The following DLGAP2 variants were observed in gnomAD, a reference collection of about 807,000 sequenced individuals.
DLGAP2 encodes the protein DLG associated protein 2.
DLGAP2 carries 26 observed loss-of-function variants against 100.3 expected under a neutral mutation model. The ratio of observed to expected loss-of-function variants is 0.26; its 90% CI spans 0.19 to 0.36. DLGAP2 has a LOEUF of 0.36. Ranked by LOEUF, DLGAP2 falls within the 10% of genes least tolerant of loss-of-function variation. DLGAP2 has a pLI of 1.00. For missense variants in DLGAP2, 1,858 were observed against 1,453.2 expected (o/e 1.28, Z -4.53); for synonymous variants, 886 against 630.1 (o/e 1.41, Z -6.08).
intron 3 of DLGAP2, among the ~76,000 whole-genome samples, chr8:1,473,861 C>A (rs950741213): frequency 2.0e-5 from 3 of 152,170 alleles, no homozygotes; most frequent in African/African-American, 7.2e-5. Context: ...GTAAGACCTG[C>A]CTTTCACCTT....
chr8:1,356,909 A>C (rs1010155589), intron 3 of DLGAP2, among the ~76,000 whole-genome samples: 1 of 152,234 alleles, frequency 6.6e-6, no homozygotes, highest in Non-Finnish European at 1.5e-5. Context: ...TTGTGTCTAC[A>C]GTGCCCGTGT....
At chr8:1,577,516 C>T (rs1803034048) in intron 6 of DLGAP2, among the ~76,000 whole-genome samples, 1 of 141,696 alleles carries the variant, frequency 7.1e-6, no homozygotes, top group South Asian at 2.2e-4. Flanking sequence ...TGCAGTGAGC[C>T]AAGATCGTGC....
At chr8:984,100 C>T (rs998374684) in intron 2 of DLGAP2, among the ~76,000 whole-genome samples, 5 of 152,132 alleles carry the variant, frequency 3.3e-5, no homozygotes, top group Non-Finnish European at 5.9e-5. Context: ...GTCCCTACCT[C>T]GTAGCAGGAA....
intron 2 of DLGAP2, among the ~76,000 whole-genome samples, chr8:1,049,242 G>A (rs1449617899): frequency 2.0e-5 from 3 of 152,180 alleles, no homozygotes; most frequent in Non-Finnish European, 1.5e-5. Context: ...CAAGTTTTAT[G>A]CAAACGGGGG....
At chr8:1,108,896 T>C (rs1180850981) in intron 2 of DLGAP2, among the ~76,000 whole-genome samples, 1 of 137,984 alleles carries the variant, frequency 7.2e-6, no homozygotes, top group East Asian at 2.4e-4. Flanking sequence ...CTGTGAGGTG[T>C]GCACGTGCCT....
intron 3 of DLGAP2, among the ~76,000 whole-genome samples, chr8:1,446,781 T>G (rs531825798): frequency 8.6e-4 from 131 of 152,292 alleles, no homozygotes; most frequent in African/African-American, 2.9e-3. Flanking sequence ...GCAGTGGTTT[T>G]TAGTTCTCAT....
intron 3 of DLGAP2, among the ~76,000 whole-genome samples, chr8:1,331,341 C>T (rs1003116420): frequency 1.3e-5 from 2 of 152,118 alleles, no homozygotes; most frequent in Non-Finnish European, 2.9e-5. Flanking sequence ...CTCACACACC[C>T]GTTTCACAGC....
At chr8:756,381 C>G (rs930062946) in intron 1 of DLGAP2, among the ~76,000 whole-genome samples, 4 of 152,118 alleles carry the variant, frequency 2.6e-5, no homozygotes, top group African/African-American at 9.7e-5. Context: ...GGGTTAGAAA[C>G]CATGGAGCTG....
intron 8 of DLGAP2, among the ~76,000 whole-genome samples, chr8:1,641,255 C>A (rs1205594513): frequency 6.6e-6 from 1 of 152,182 alleles, no homozygotes; most frequent in East Asian, 1.9e-4. Flanking sequence ...GCATCTGTAT[C>A]AGGAACTGCA....
At chr8:1,072,103 A>G (rs973610647) in intron 2 of DLGAP2, among the ~76,000 whole-genome samples, 2 of 152,136 alleles carry the variant, frequency 1.3e-5, no homozygotes, top group Admixed American at 6.5e-5. Flanking sequence ...GCTTAGAGTT[A>G]GTTGTGCCAC....
chr8:1,624,297 C>A (rs953831635), intron 6 of DLGAP2, among the ~76,000 whole-genome samples: 5 of 152,048 alleles, frequency 3.3e-5, no homozygotes, highest in Non-Finnish European at 4.4e-5. Context: ...GGAAGGAGAG[C>A]AGAAGTGCGG....
At chr8:948,760 AG>A (rs1263379831) in intron 2 of DLGAP2, among the ~76,000 whole-genome samples, 2 of 152,262 alleles carry the variant, frequency 1.3e-5, no homozygotes, top group Non-Finnish European at 2.9e-5. Flanking sequence ...AGCAGGGCTC[AG>A]GCCGTGGGGA....
In DLGAP2 at chr8:1,549,647, C is replaced by G; in HGVS notation, c.1194C>G (p.Asp398Glu). ...LNLDKPLLHQDAKPALRPCHY... is the reference protein window; with the variant it reads ...LNLDKPLLHQEAKPALRPCHY... Reference sequence around the variant, plus strand: ...TGGACAAGCCGCTGCTGCACCAGGACGCCAAGCCCGCCCTGAGGCCGTGCC... The same window carrying G: ...TGGACAAGCCGCTGCTGCACCAGGAGGCCAAGCCCGCCCTGAGGCCGTGCC... Residue 398 changes from aspartate (D) to glutamate (E), a missense_variant, in exon 5 of 15, where the codon GAC (aspartate) becomes GAG (glutamate). Coordinates refer to ENST00000637795, the MANE Select transcript of DLGAP2 (RefSeq NM_001346810.2). 1 of 1,573,146 alleles carries G rather than the reference C, an allele frequency of 6.4e-7. No homozygotes were observed.
At chr8:866,451 A>G (rs982821898) in intron 1 of DLGAP2, among the ~76,000 whole-genome samples, 8 of 152,192 alleles carry the variant, frequency 5.3e-5, no homozygotes, top group South Asian at 2.1e-4. Flanking sequence ...CCTGTCTTCC[A>G]GTGCTTTCAT....
intron 3 of DLGAP2, chr8:1,381,131 G>A (rs1019524379): frequency 1.3e-5 from 2 of 152,030 alleles, no homozygotes; most frequent in African/African-American, 2.4e-5. Flanking sequence ...CGTAACCGAC[G>A]GAAAAGGCTT....
At chr8:1,460,412 G>A (rs963934211) in intron 3 of DLGAP2, among the ~76,000 whole-genome samples, 4 of 152,202 alleles carry the variant, frequency 2.6e-5, no homozygotes, top group African/African-American at 9.6e-5. Context: ...TTAATCAGCT[G>A]ATTTCGTGTC....
intron 2 of DLGAP2, among the ~76,000 whole-genome samples, chr8:1,190,410 GT>G (rs1797606787): frequency 2.7e-5 from 1 of 37,572 alleles, no homozygotes; most frequent in Non-Finnish European, 6.7e-5. Context: ...GGCATCTGCT[GT>G]TGGGGCATCT....
chr8:1,150,730 A>T (rs1256042942), intron 2 of DLGAP2, among the ~76,000 whole-genome samples: 1 of 152,242 alleles, frequency 6.6e-6, no homozygotes, highest in East Asian at 1.9e-4. Context: ...CCATGTAATA[A>T]TGGACATAGA....
chr8:1,243,420 C>A (rs1585184602), intron 2 of DLGAP2, among the ~76,000 whole-genome samples: 1 of 152,196 alleles, frequency 6.6e-6, no homozygotes. Flanking sequence ...AGCTGCCTGG[C>A]CTGCACCCTC....
Sources: gnomAD v4.1 joint callset for allele counts (sites outside exome capture counted in the v4.1 genomes callset) on GRCh38, gnomAD v4.1.1 for gene constraint, MANE v1.5 for transcripts, NCBI Gene and HGNC (gene_info 2026-07-23, HGNC 2026-07-21) for gene names.